Variants in STX5 observed in about 807,000 individuals in gnomAD.
The protein encoded by STX5 is syntaxin-5.
Under a neutral mutation model 42.9 loss-of-function variants are expected in STX5, and 15 were observed. The observed-to-expected ratio is 0.35, with a 90% CI of 0.23 to 0.54. STX5 has a LOEUF of 0.54. Ranked by LOEUF, STX5 falls within the 20% of genes least tolerant of loss-of-function variation. The pLI is 0.91. For missense variants in STX5, 430 were observed against 455.0 expected (o/e 0.95, Z 0.50); for synonymous variants, 184 against 173.2 (o/e 1.06, Z -0.49).
chr11:62,829,055 G>A (rs1021801276), intron 2 of STX5, among the ~76,000 whole-genome samples: 4 of 149,708 alleles, frequency 2.7e-5, no homozygotes, highest in African/African-American at 9.9e-5. Flanking sequence ...AAGAGAGACT[G>A]TCTCAAAAAC....
intron 2 of STX5, among the ~76,000 whole-genome samples, chr11:62,829,427 A>AAAT (rs2084831300): frequency 6.7e-6 from 1 of 148,784 alleles, no homozygotes; most frequent in South Asian, 2.1e-4. Context: ...TCCCATCTCA[A>AAAT]AAATAAATAA....
intron 10 of STX5, 113 bp from the exon 11 acceptor site, chr11:62,807,741 A>ATAT (rs2084569065): frequency 6.7e-7 from 1 of 1,498,686 alleles, no homozygotes; most frequent in East Asian, 2.5e-5. Flanking sequence ...CCATTCTTAT[A>ATAT]TATATTTGTG....
intron 10 of STX5, among the ~76,000 whole-genome samples, chr11:62,822,878 G>C (rs1457535935): frequency 6.6e-6 from 1 of 152,128 alleles, no homozygotes; most frequent in Non-Finnish European, 1.5e-5. Context: ...TCTTGTAGTA[G>C]CAGGAGGCAC....
chr11:62,819,596 C>T (rs2084716659), intron 10 of STX5, among the ~76,000 whole-genome samples: 1 of 152,000 alleles, frequency 6.6e-6, no homozygotes, highest in Non-Finnish European at 1.5e-5. Flanking sequence ...CTGCTCACTG[C>T]AACCTCCGCC....
intron 10 of STX5, among the ~76,000 whole-genome samples, chr11:62,812,188 C>T (rs2084624690): frequency 6.6e-6 from 1 of 151,404 alleles, no homozygotes; most frequent in Admixed American, 6.6e-5. Context: ...AACCATTCTC[C>T]TGCCTCAGCC....
At chr11:62,824,678 C>T in intron 8 of STX5, 113 bp from the exon 9 acceptor site, 2 of 997,720 alleles carry the variant, frequency 2.0e-6, no homozygotes, top group Non-Finnish European at 3.0e-6. Flanking sequence ...TGACCCTGGA[C>T]AGGTCATTTA....
chr11:62,826,449 C>T (rs774766939), intron 5 of STX5, among the ~76,000 whole-genome samples: 6 of 148,370 alleles, frequency 4.0e-5, no homozygotes, highest in Admixed American at 1.3e-4. Flanking sequence ...CCCAGCTATT[C>T]GGGAGGCTGA....
chr11:62,816,318 T>A (rs1340980276), intron 10 of STX5, among the ~76,000 whole-genome samples: 1 of 152,212 alleles, frequency 6.6e-6, no homozygotes. Context: ...GGTCTCACTC[T>A]ATTGCCCAGG....
chr11:62,826,474 T>C (rs1180901977), intron 5 of STX5, among the ~76,000 whole-genome samples: 1 of 151,724 alleles, frequency 6.6e-6, no homozygotes, highest in Non-Finnish European at 1.5e-5. Context: ...GGGGAGTCAC[T>C]TGAACCCAGG....
intron 2 of STX5, among the ~76,000 whole-genome samples, chr11:62,829,327 G>C (rs2084830067): frequency 6.6e-6 from 1 of 152,032 alleles, no homozygotes; most frequent in African/African-American, 2.4e-5. Context: ...GGGAGGCTGA[G>C]GCAGGAGAAT....
Position 62,827,740 on chromosome 11 carries a change from T to A in STX5, c.226-109A>T. 3 of 1,118,062 alleles carry A rather than the reference T, an allele frequency of 2.7e-6. No homozygotes were observed. The South Asian group carries it at 4.2e-5, about 16-fold the overall frequency. 69.3% of individuals were successfully genotyped at this position (1,118,062 alleles called of 1,614,324 possible). On this transcript the variant is annotated intron_variant, in intron 2 of 10. Coordinates refer to ENST00000294179, the MANE Select transcript of STX5 (RefSeq NM_003164.5). ...CTATCTCTAGTGCTGGTGGCATCCA[T>A]CAGATGATCTAGATTTATGAGTGGT...
At chr11:62,828,938 C>A (rs2084825277) in intron 2 of STX5, among the ~76,000 whole-genome samples, 1 of 151,848 alleles carries the variant, frequency 6.6e-6, no homozygotes, top group Non-Finnish European at 1.5e-5. Flanking sequence ...CCTGGCACCG[C>A]CTGTATTCCC....
chr11:62,807,633 G>T lies in STX5; in HGVS notation c.909-5C>A. 1 of 1,613,938 alleles carries T rather than the reference G, an allele frequency of 6.2e-7. No homozygotes were observed. The highest frequency in any genetic ancestry group is 8.5e-7 in the Non-Finnish European group (1 of 1,179,980). On this transcript the variant is annotated splice_polypyrimidine_tract_variant and splice_region_variant and intron_variant, in intron 10 of 10. Coordinates refer to ENST00000294179, the MANE Select transcript of STX5 (RefSeq NM_003164.5). ...CCTAGCACGTTCTCGTCGATCCTGG[G>T]GACAAGGCCGGGAGAAGAGGAAACA...
rs1369596794 is a variant in STX5, at chr11:62,814,879, C to A, written c.909-7251G>T. ...AGAGTGCTGGGATTACAGGTGTGAGCCACTATGCCTGGCTTTCTGATTTAA... is the reference window on the plus strand; with the variant it reads ...AGAGTGCTGGGATTACAGGTGTGAGACACTATGCCTGGCTTTCTGATTTAA... On this transcript the variant is annotated intron_variant, in intron 10 of 10. Coordinates refer to ENST00000294179, the MANE Select transcript of STX5 (RefSeq NM_003164.5). 3.3e-5 allele frequency among the ~76,000 whole-genome samples: 5 copies of A among 152,210 alleles called. No homozygotes were observed. In the South Asian group the frequency reaches 8.3e-4, roughly 25 times the overall value.
At chr11:62,810,640 C>T (rs1485006130) in intron 10 of STX5, among the ~76,000 whole-genome samples, 1 of 152,124 alleles carries the variant, frequency 6.6e-6, no homozygotes, top group Non-Finnish European at 1.5e-5. Context: ...GTTGAATTCT[C>T]AAATATAAAA....
intron 8 of STX5, 24 bp downstream of exon 8, chr11:62,825,012 C>A (rs377452155): frequency 1.2e-6 from 2 of 1,612,260 alleles, no homozygotes; most frequent in Non-Finnish European, 1.7e-6. Flanking sequence ...CCTCCCAGGG[C>A]TCCCCGTTTT....
chr11:62,819,046 C>T (rs1240011165), intron 10 of STX5, among the ~76,000 whole-genome samples: 4 of 150,052 alleles, frequency 2.7e-5, no homozygotes, highest in South Asian at 2.1e-4. Context: ...GGTGAAACCC[C>T]GTCTCTACTA....
intron 10 of STX5, among the ~76,000 whole-genome samples, chr11:62,814,934 A>G (rs918125509): frequency 6.6e-6 from 1 of 152,022 alleles, no homozygotes; most frequent in Non-Finnish European, 1.5e-5. Flanking sequence ...CAGTTTGGGG[A>G]CAACTGGGAA....
intron 8 of STX5, 110 bp downstream of exon 8, chr11:62,824,926 A>T: frequency 9.0e-7 from 1 of 1,109,546 alleles, no homozygotes; most frequent in Non-Finnish European, 1.3e-6. Flanking sequence ...AAGCCTAGAA[A>T]ATTCCTTGAC....
Sources: gnomAD v4.1 joint callset for allele counts (sites outside exome capture counted in the v4.1 genomes callset) on GRCh38, gnomAD v4.1.1 for gene constraint, MANE v1.5 for transcripts, NCBI Gene and HGNC (gene_info 2026-07-23, HGNC 2026-07-21) for gene names.